Variants in S100A5 observed in about 807,000 individuals in gnomAD.
S100A5 encodes the protein protein S100-A5.
Under a neutral mutation model 6.7 loss-of-function variants are expected in S100A5, and 5 were observed. The ratio of observed to expected loss-of-function variants is 0.75; its 90% CI spans 0.39 to 1.57. The LOEUF (loss-of-function observed/expected upper bound fraction) is 1.57. Among genes scored for constraint, S100A5 ranks in the 40% most tolerant of loss-of-function variants. The pLI is 0.03. For missense variants in S100A5, 129 were observed against 110.8 expected, an observed-to-expected ratio of 1.16 and a Z score of -0.74; for synonymous variants, 49 against 44.9, an observed-to-expected ratio of 1.09 and a Z score of -0.37.
intron 2 of S100A5, among the ~76,000 whole-genome samples, chr1:153,537,875 C>T (rs1263764270): frequency 6.6e-6 from 1 of 152,152 alleles, no homozygotes; most frequent in Non-Finnish European, 1.5e-5. Flanking sequence ...TGGTGAAACC[C>T]TGTCTCTACT....
chr1:153,540,427 C>T (rs1458109927), intron 1 of S100A5, among the ~76,000 whole-genome samples, 194 bp downstream of exon 1: 2 of 152,184 alleles, frequency 1.3e-5, no homozygotes, highest in East Asian at 3.8e-4. Flanking sequence ...CCAAAGGAGA[C>T]CACAGACTCT....
At chr1:153,537,881 C>G (rs377106513) in intron 2 of S100A5, among the ~76,000 whole-genome samples, 3 of 152,200 alleles carry the variant, frequency 2.0e-5, no homozygotes, top group East Asian at 3.9e-4. Flanking sequence ...AACCCTGTCT[C>G]TACTGAAAAT....
At position 153,537,416 on chromosome 1, in the gene S100A5, A is replaced by G. The variant is rs2248745; in HGVS notation, c.159T>C (p.Asp53=). The G allele has an allele frequency of 0.097, 156,374 of 1,613,958 alleles. 8,201 individuals are homozygous for G. The highest frequency in any genetic ancestry group is 0.2 in the African/African-American group (14,723 of 74,974). Residue 53 remains aspartate (D), a synonymous_variant, in exon 3 of 3, where the codon GAT becomes GAC. Transcript: ENST00000368717. ...TCTTGTCCAGGCTCTTCATCAAGTC[A>G]TCGATGCTGCTCTCCTTCATCTTTT... The part of the protein sequence containing the change: ...CLGEMKESSI[D]DLMKSLDKNS...
At chr1:153,543,351 G>A, upstream of S100A5, 14 of 940,938 alleles carry the variant, frequency 1.5e-5, no homozygotes, top group Non-Finnish European at 1.8e-5. Context: ...AGGTGGGAGG[G>A]GTAAGTGGGC....
chr1:153,542,673 A>T (rs527662816), upstream of S100A5, among the ~76,000 whole-genome samples: 2 of 152,236 alleles, frequency 1.3e-5, no homozygotes, highest in South Asian at 4.1e-4. Context: ...TCCCTGAGTC[A>T]CCCAGACATG....
chr1:153,538,843 A>T (rs1328059759), intron 2 of S100A5, among the ~76,000 whole-genome samples: 1 of 152,196 alleles, frequency 6.6e-6, no homozygotes, highest in African/African-American at 2.4e-5. Context: ...TATAAAAATA[A>T]TAAGACTAGG....
rs28435606 is a variant in S100A5, at chr1:153,540,873, C to T, written c.-267G>A. On this transcript the variant is annotated 5_prime_UTR_variant, in exon 1 of 3. Transcript: ENST00000368717. ...TTCCAAAACCTGGATCCAGAGGCTA[C>T]GCTTGAATAAGGGCCTGGATTCCAA... is the stretch of plus-strand genomic sequence containing the variant. 1.6e-3 allele frequency among the ~76,000 whole-genome samples: 248 copies of T among 152,240 alleles called. 1 individual carries two copies. The highest frequency in any genetic ancestry group is 4.3e-3 in the African/African-American group (179 of 41,530).
At chr1:153,543,678 C>T, upstream of S100A5, 2 of 1,370,638 alleles carry the variant, frequency 1.5e-6, no homozygotes, top group Non-Finnish European at 2.0e-6. Context: ...TCTGAAGGAG[C>T]CAGGGTGGAA....
Position 153,540,195 on chromosome 1 carries a change from A to C in S100A5, c.-4T>G. 1 of 1,614,128 alleles carries C rather than the reference A, an allele frequency of 6.2e-7. No homozygotes were observed. Among genetic ancestry groups the C allele is most frequent in the South Asian group, 1.1e-5 (1 of 91,074 alleles). On this transcript the variant is annotated 5_prime_UTR_variant, in exon 2 of 3. Coordinates refer to ENST00000368717, the MANE Select transcript of S100A5 (RefSeq NM_001394232.1). ...CCTTCTCCAGAGGAGTCTCCATCACAGTGTGCAGCTCTGTAGAGGGAGAGG... is the reference window on the plus strand; with the variant it reads ...CCTTCTCCAGAGGAGTCTCCATCACCGTGTGCAGCTCTGTAGAGGGAGAGG...
At chr1:153,539,979 TC>T in intron 2 of S100A5, 74 bp downstream of exon 2, 1 of 1,559,912 alleles carries the variant, frequency 6.4e-7, no homozygotes, top group Non-Finnish European at 8.8e-7. Context: ...GGCTGGAGGA[TC>T]CTGAGGGTAG....
upstream of S100A5, among the ~76,000 whole-genome samples, chr1:153,542,523 C>A (rs770796796): frequency 1.1e-4 from 16 of 152,200 alleles, no homozygotes; most frequent in Admixed American, 4.6e-4. Context: ...GCGGGAACAT[C>A]TGAGTCACCT....
In S100A5 at chr1:153,538,270, C is replaced by T. The variant is rs985476776; in HGVS notation, c.139-834G>A. On this transcript the variant is annotated intron_variant, in intron 2 of 2. Transcript: ENST00000368717. ...CCTGGTTGTGCACTGTTGTTCAGTC[C>T]CCTGATGTCCCAGCCTGGCTCCATT... Among the ~76,000 whole-genome samples the T allele has an allele frequency of 2.0e-5, 3 of 152,140 alleles. No individual in the cohort carries two copies. In the South Asian group the frequency reaches 6.2e-4, roughly 32 times the overall value.
upstream of S100A5, among the ~76,000 whole-genome samples, chr1:153,542,216 T>G (rs1174509488): frequency 2.0e-5 from 3 of 152,048 alleles, no homozygotes; most frequent in East Asian, 5.8e-4. Context: ...ACAACATACT[T>G]CTACCACCAG....
rs781704392 is a variant in S100A5, at chr1:153,537,436, T to C, written c.139A>G (p.Met47Val). The C allele has an allele frequency of 1.9e-6, 3 of 1,614,016 alleles. No individual in the cohort carries two copies. Among genetic ancestry groups the C allele is most frequent in the Non-Finnish European group, 2.5e-6 (3 of 1,179,960 alleles). Residue 47 changes from methionine (M) to valine (V), a missense_variant and splice_region_variant, in exon 3 of 3, where the codon ATG becomes GTG. Transcript: ENST00000368717. ...LIKKELCLGE[M>V]KESSIDDLMK... ...AAGTCATCGATGCTGCTCTCCTTCATCTTTTGTGGACCCAGGTGGAGAGAC... is the reference window on the plus strand; with the variant it reads ...AAGTCATCGATGCTGCTCTCCTTCACCTTTTGTGGACCCAGGTGGAGAGAC...
chr1:153,537,470 C>A (rs767532753), intron 2 of S100A5, 34 bp from the exon 3 acceptor site: 1 of 1,610,866 alleles, frequency 6.2e-7, no homozygotes, highest in Non-Finnish European at 8.5e-7. Flanking sequence ...ACAGCTCAGA[C>A]CCCGCTCCCA....
upstream of S100A5, chr1:153,543,548 C>T: frequency 1.7e-6 from 1 of 578,568 alleles, no homozygotes; most frequent in Admixed American, 3.0e-5. Context: ...TCCCAGCTCT[C>T]CCCACCACCA....
chr1:153,543,201 T>G, upstream of S100A5: 1 of 985,058 alleles, frequency 1.0e-6, no homozygotes, highest in Non-Finnish European at 1.2e-6. Flanking sequence ...AAATACTTCC[T>G]CCCTGCAACT....
At chr1:153,541,524 G>A, upstream of S100A5, 1 of 1,337,934 alleles carries the variant, frequency 7.5e-7, no homozygotes, top group Non-Finnish European at 9.9e-7. Flanking sequence ...GGGACTTGAG[G>A]ATGCCCACGT....
upstream of S100A5, among the ~76,000 whole-genome samples, chr1:153,542,456 A>G (rs1665420436): frequency 6.6e-6 from 1 of 152,220 alleles, no homozygotes; most frequent in African/African-American, 2.4e-5. Context: ...GGGCAGCGGA[A>G]GGCAGCAGAC....
Sources: allele counts gnomAD v4.1 joint callset (sites outside exome capture counted in the v4.1 genomes callset), GRCh38; gene constraint gnomAD v4.1.1; transcripts MANE v1.5; gene names NCBI Gene and HGNC (gene_info 2026-07-23, HGNC 2026-07-21).